The following UTRN variants were observed in gnomAD, a reference collection of about 807,000 sequenced individuals.
The protein encoded by UTRN is dystrophin-related protein 1.
Under a neutral mutation model 463.9 loss-of-function variants are expected in UTRN, and 283 were observed. That is an observed-to-expected ratio of 0.61 (90% confidence interval 0.55 to 0.67). The LOEUF (loss-of-function observed/expected upper bound fraction) is 0.67. Among genes scored for constraint, UTRN ranks in the 30% least tolerant of loss-of-function variants. UTRN has a pLI of 0.00. For missense variants in UTRN, 3,922 were observed against 4,084.3 expected (o/e 0.96, Z 1.08); for synonymous variants, 1,442 against 1,431.5 (o/e 1.01, Z -0.17).
chr6:144,779,357 G>A (rs1463151180), intron 60 of UTRN, among the ~76,000 whole-genome samples: 2 of 152,074 alleles, frequency 1.3e-5, no homozygotes, highest in African/African-American at 2.4e-5. Flanking sequence ...TGAAAACTGT[G>A]TACAGTTGAC....
intron 51 of UTRN, among the ~76,000 whole-genome samples, chr6:144,634,377 T>A (rs1273264458): frequency 6.6e-6 from 1 of 152,196 alleles, no homozygotes; most frequent in Non-Finnish European, 1.5e-5. Context: ...CTGGTTAGCG[T>A]TGCCATGTGG....
At chr6:144,428,923 A>G (rs1428387654) in intron 8 of UTRN, 30 bp downstream of exon 8, 3 of 1,464,854 alleles carry the variant, frequency 2.0e-6, no homozygotes, top group South Asian at 2.5e-5. Flanking sequence ...TTCCACCTTG[A>G]TTTTGCTTTA....
chr6:144,493,775 C>T (rs887324079), intron 33 of UTRN, among the ~76,000 whole-genome samples: 10 of 151,972 alleles, frequency 6.6e-5, no homozygotes, highest in African/African-American at 2.4e-4. Flanking sequence ...TTGAGACCAG[C>T]CTGGGCAACA....
rs1787433392 is a variant in UTRN, at chr6:144,444,133, C to G, written c.1513-148C>G. ...TGATTCATACATTTCTAGGCCTAGT[C>G]TGTTATTTTAAAGCAATTTTTATAA... On this transcript the variant is annotated intron_variant, in intron 13 of 74. Coordinates refer to ENST00000367545, the MANE Select transcript of UTRN (RefSeq NM_007124.3). The G allele has an allele frequency of 2.5e-5, 14 of 558,292 alleles. No homozygotes were observed. In the South Asian group the frequency reaches 2.7e-4, roughly 11 times the overall value. The allele number at this position is 558,292 out of a possible 1,614,324, so 34.6% of individuals were successfully genotyped here.
chr6:144,654,352 G>T (rs541504238), intron 51 of UTRN, among the ~76,000 whole-genome samples: 1 of 152,192 alleles, frequency 6.6e-6, no homozygotes, highest in Non-Finnish European at 1.5e-5. Flanking sequence ...AGCTGATCGC[G>T]TGGGGTTAGT....
At chr6:144,658,856 A>G (rs943228360) in intron 51 of UTRN, among the ~76,000 whole-genome samples, 24 of 152,222 alleles carry the variant, frequency 1.6e-4, no homozygotes, top group Admixed American at 1.3e-4. Flanking sequence ...TTCCTGGAAG[A>G]TGGTGTTTCT....
chr6:144,683,012 C>A (rs1782369380), intron 52 of UTRN, among the ~76,000 whole-genome samples: 1 of 152,092 alleles, frequency 6.6e-6, no homozygotes, highest in Non-Finnish European at 1.5e-5. Flanking sequence ...CAGCTTCCCC[C>A]TTTGCTGGCT....
intron 2 of UTRN, among the ~76,000 whole-genome samples, chr6:144,365,611 T>C (rs1052111403): frequency 1.3e-5 from 2 of 152,208 alleles, no homozygotes; most frequent in African/African-American, 4.8e-5. Flanking sequence ...AGAAAATGAG[T>C]AGCCAAACTA....
Position 144,550,651 on chromosome 6 carries a change from T to G in UTRN, c.6811-314T>G, listed in dbSNP as rs527698746. Among the ~76,000 whole-genome samples, 6 of 152,304 alleles carry G rather than the reference T, an allele frequency of 3.9e-5. No homozygotes were observed. In the South Asian group the frequency reaches 8.3e-4, roughly 21 times the overall value. ...GGGCATTTTTCAGCTTTTGAAGGGA[T>G]TTTCTTTGTTTAATGTCCTCAGACT... On this transcript the variant is annotated intron_variant, in intron 47 of 74. Coordinates refer to ENST00000367545, the MANE Select transcript of UTRN (RefSeq NM_007124.3).
intron 51 of UTRN, among the ~76,000 whole-genome samples, chr6:144,584,115 A>T (rs937184341): frequency 6.6e-6 from 1 of 152,210 alleles, no homozygotes; most frequent in Non-Finnish European, 1.5e-5. Flanking sequence ...TATATTCTTA[A>T]ATCTCCATAT....
chr6:144,613,816 C>T (rs1344705342), intron 51 of UTRN, among the ~76,000 whole-genome samples: 1 of 151,872 alleles, frequency 6.6e-6, no homozygotes, highest in African/African-American at 2.4e-5. Flanking sequence ...GAGGAAGGAA[C>T]TTATAAAAAA....
chr6:144,517,820 AGGG>A (rs1795758066), intron 39 of UTRN, among the ~76,000 whole-genome samples: 1 of 152,226 alleles, frequency 6.6e-6, no homozygotes, highest in Admixed American at 6.5e-5. Flanking sequence ...GGTTTGTGTA[AGGG>A]CACTCTATGA....
intron 2 of UTRN, among the ~76,000 whole-genome samples, chr6:144,310,561 G>A (rs1466523781): frequency 6.7e-6 from 1 of 149,944 alleles, no homozygotes; most frequent in Non-Finnish European, 1.5e-5. Context: ...AAATGGCTGG[G>A]CATGGTAGTG....
At chr6:144,679,443 G>A (rs1196605259) in intron 52 of UTRN, among the ~76,000 whole-genome samples, 1 of 152,068 alleles carries the variant, frequency 6.6e-6, no homozygotes, top group Non-Finnish European at 1.5e-5. Context: ...TTTGTTTTTT[G>A]CCTTGTACCA....
chr6:144,696,080 C>T (rs1783973675), intron 52 of UTRN, among the ~76,000 whole-genome samples: 1 of 152,026 alleles, frequency 6.6e-6, no homozygotes, highest in Non-Finnish European at 1.5e-5. Flanking sequence ...TTTAAAAGCC[C>T]GTAGAGAAGA....
At chr6:144,590,900 A>T (rs1034187828) in intron 51 of UTRN, among the ~76,000 whole-genome samples, 1 of 150,674 alleles carries the variant, frequency 6.6e-6, no homozygotes, top group African/African-American at 2.5e-5. Flanking sequence ...ACACACACAC[A>T]TAAGGTTGTT....
At chr6:144,588,406 C>T (rs568021122) in intron 51 of UTRN, among the ~76,000 whole-genome samples, 25 of 152,152 alleles carry the variant, frequency 1.6e-4, no homozygotes, top group Non-Finnish European at 3.5e-4. Flanking sequence ...AGATCTGATG[C>T]AATGCTTTGT....
chr6:144,735,837 G>A (rs748285015), intron 54 of UTRN, among the ~76,000 whole-genome samples: 3 of 151,690 alleles, frequency 2.0e-5, no homozygotes, highest in Non-Finnish European at 2.9e-5. Flanking sequence ...CTAGTCATGC[G>A]TCATTCATAG....
intron 53 of UTRN, among the ~76,000 whole-genome samples, chr6:144,712,240 G>A (rs1013893694): frequency 3.9e-5 from 6 of 152,200 alleles, no homozygotes; most frequent in Non-Finnish European, 7.3e-5. Flanking sequence ...CAGGCCTGAA[G>A]CAGCAGTTCT....
Sources: allele counts gnomAD v4.1 joint callset (sites outside exome capture counted in the v4.1 genomes callset), GRCh38; gene constraint gnomAD v4.1.1; transcripts MANE v1.5; gene names NCBI Gene and HGNC (gene_info 2026-07-23, HGNC 2026-07-21).